Variants in CDH22 observed in about 807,000 individuals in gnomAD.
CDH22 encodes cadherin 22.
Under a neutral mutation model 58.4 loss-of-function variants are expected in CDH22, and 30 were observed. The observed-to-expected ratio is 0.51, with a 90% confidence interval of 0.38 to 0.70. The LOEUF (loss-of-function observed/expected upper bound fraction) is 0.70. CDH22 is among the 30% of genes least tolerant of loss of function. The pLI is 0.00. For missense variants in CDH22, 1,014 were observed against 1,233.9 expected, an observed-to-expected ratio of 0.82 and a Z score of 2.67; for synonymous variants, 513 against 558.2, an observed-to-expected ratio of 0.92 and a Z score of 1.14.
intron 1 of CDH22, among the ~76,000 whole-genome samples, chr20:46,252,927 A>G (rs911686804): frequency 2.0e-5 from 3 of 152,142 alleles, no homozygotes; most frequent in African/African-American, 7.2e-5. Flanking sequence ...TACTTCTTGG[A>G]GGAGGCGGCA....
At chr20:46,289,264 G>A (rs1177238750) in intron 1 of CDH22, among the ~76,000 whole-genome samples, 1 of 152,108 alleles carries the variant, frequency 6.6e-6, no homozygotes, top group East Asian at 1.9e-4. Flanking sequence ...CTTACAACCT[G>A]TGATAAACTA....
chr20:46,302,014 C>A (rs892985574), intron 1 of CDH22, among the ~76,000 whole-genome samples: 2 of 152,208 alleles, frequency 1.3e-5, no homozygotes, highest in Non-Finnish European at 1.5e-5. Flanking sequence ...GTCCAGCTCT[C>A]TGGGGAGGGG....
At chr20:46,208,227 C>T (rs1600697126) in intron 7 of CDH22, among the ~76,000 whole-genome samples, 2 of 152,218 alleles carry the variant, frequency 1.3e-5, no homozygotes, top group East Asian at 3.9e-4. Context: ...CTAACCTCCT[C>T]CTCTGGATCA....
chr20:46,239,468 G>T (rs2086275293), intron 3 of CDH22, among the ~76,000 whole-genome samples: 1 of 152,096 alleles, frequency 6.6e-6, no homozygotes, highest in Non-Finnish European at 1.5e-5. Context: ...CATTCTCTCT[G>T]GTTCACCTCC....
At chr20:46,186,184 C>T (rs1433470669) in intron 10 of CDH22, among the ~76,000 whole-genome samples, 22 of 134,006 alleles carry the variant, frequency 1.6e-4, no homozygotes, top group African/African-American at 6.4e-4. Context: ...GCCTGGCTGA[C>T]AGAGCGAGAC....
chr20:46,278,951 C>G (rs1404498841), intron 1 of CDH22, among the ~76,000 whole-genome samples: 1 of 152,140 alleles, frequency 6.6e-6, no homozygotes, highest in Non-Finnish European at 1.5e-5. Context: ...GATTCTTGCT[C>G]TAAATCTTCA....
intron 5 of CDH22, among the ~76,000 whole-genome samples, chr20:46,214,962 G>A (rs2086073274): frequency 6.6e-6 from 1 of 152,274 alleles, no homozygotes; most frequent in Non-Finnish European, 1.5e-5. Flanking sequence ...TGAGGGACTA[G>A]TGAGTGTATG....
chr20:46,189,891 C>T (rs1289690699), intron 8 of CDH22, among the ~76,000 whole-genome samples: 1 of 152,102 alleles, frequency 6.6e-6, no homozygotes, highest in Non-Finnish European at 1.5e-5. Context: ...CACAGCTGTA[C>T]ATCACAATCA....
At chr20:46,244,640 C>G (rs2086315625) in intron 2 of CDH22, among the ~76,000 whole-genome samples, 1 of 152,180 alleles carries the variant, frequency 6.6e-6, no homozygotes, top group Admixed American at 6.5e-5. Context: ...CTGTTTGACT[C>G]CAAAGCCCAG....
chr20:46,247,028 G>T (rs956083145), intron 2 of CDH22, among the ~76,000 whole-genome samples: 29 of 128,494 alleles, frequency 2.3e-4, no homozygotes, highest in African/African-American at 8.6e-4. Flanking sequence ...TGGGGGGTGG[G>T]GTGGGCTAAT....
intron 2 of CDH22, among the ~76,000 whole-genome samples, chr20:46,247,833 C>A (rs928520746): frequency 2.0e-5 from 3 of 152,158 alleles, no homozygotes; most frequent in Non-Finnish European, 4.4e-5. Context: ...CTTCTCCCTC[C>A]CTGGATGGAG....
chr20:46,207,365 G>A (rs1483377616), intron 7 of CDH22, among the ~76,000 whole-genome samples: 3 of 152,154 alleles, frequency 2.0e-5, no homozygotes, highest in Non-Finnish European at 4.4e-5. Flanking sequence ...CTGACCTGGG[G>A]CCAAGGACTC....
intron 8 of CDH22, among the ~76,000 whole-genome samples, chr20:46,189,194 C>T (rs2085846884): frequency 1.3e-5 from 2 of 152,176 alleles, no homozygotes; most frequent in South Asian, 4.1e-4. Context: ...TCCCCTTAGC[C>T]AGGGGCACAT....
rs146487029 is a variant in CDH22 at position 46,204,104 on chromosome 20, G to A, written c.1287-4545C>T. On this transcript the variant is annotated intron_variant, in intron 7 of 11. Coordinates refer to ENST00000537909, the MANE Select transcript of CDH22 (RefSeq NM_021248.3). The stretch of plus-strand genomic sequence containing the variant: ...CTTCAGTTTCCTTCTCTTAAAAATG[G>A]AGATAGTAGGCCGGGCAGGGTGGCT... Among the ~76,000 whole-genome samples the A allele has an allele frequency of 3.3e-5, 5 of 152,082 alleles. No homozygotes were observed. The East Asian group carries it at 9.7e-4, about 29-fold the overall frequency.
At chr20:46,229,529 C>T (rs1032881943) in intron 3 of CDH22, among the ~76,000 whole-genome samples, 2 of 152,150 alleles carry the variant, frequency 1.3e-5, no homozygotes, top group Admixed American at 6.6e-5. Context: ...TGTCATGAAC[C>T]GCTTTGTGCT....
In CDH22 at chr20:46,227,501, C is replaced by T; in HGVS notation, c.670+7G>A. ...GGCTCCGCCTCTGGCCCCGCCCTGC[C>T]CCTCACCGGTCTTGGGGTCCACGGT... On this transcript the variant is annotated splice_region_variant and intron_variant, in intron 4 of 11. Coordinates refer to ENST00000537909, the MANE Select transcript of CDH22 (RefSeq NM_021248.3). 2 of 1,592,118 alleles carry T rather than the reference C, an allele frequency of 1.3e-6. No individual in the cohort carries two copies. The highest frequency in any genetic ancestry group is 1.7e-6 in the Non-Finnish European group (2 of 1,172,740).
At chr20:46,177,309 C>T (rs556573595) in intron 11 of CDH22, among the ~76,000 whole-genome samples, 1 of 152,300 alleles carries the variant, frequency 6.6e-6, no homozygotes, top group East Asian at 1.9e-4. Flanking sequence ...CCATTCAAAT[C>T]CAGGTTAGCT....
intron 1 of CDH22, among the ~76,000 whole-genome samples, chr20:46,258,360 C>T (rs185774253): frequency 6.6e-6 from 1 of 152,264 alleles, no homozygotes; most frequent in Admixed American, 6.5e-5. Flanking sequence ...TCAGCATCCA[C>T]ACAATGCCAC....
intron 10 of CDH22, among the ~76,000 whole-genome samples, chr20:46,186,009 T>A (rs1288775695): frequency 6.6e-6 from 1 of 151,960 alleles, no homozygotes; most frequent in Non-Finnish European, 1.5e-5. Context: ...GCCTGGGAGT[T>A]CAAGACTAGT....
Sources: gnomAD v4.1 joint callset for allele counts (sites outside exome capture counted in the v4.1 genomes callset) on GRCh38, gnomAD v4.1.1 for gene constraint, MANE v1.5 for transcripts, NCBI Gene and HGNC (gene_info 2026-07-23, HGNC 2026-07-21) for gene names.